PRKAR2B: variants seen among roughly 807,000 people sequenced by gnomAD.
The protein encoded by PRKAR2B is protein kinase cAMP-dependent type II regulatory subunit beta.
PRKAR2B carries 14 observed loss-of-function variants against 49.9 expected under a neutral mutation model. The observed-to-expected ratio is 0.28, with a 90% confidence interval of 0.19 to 0.44. The LOEUF (loss-of-function observed/expected upper bound fraction) is 0.44. Ranked by LOEUF, PRKAR2B falls within the 20% of genes least tolerant of loss-of-function variation. The probability of loss-of-function intolerance (pLI) is 1.00; values close to 1 mark genes in which losing one functional copy is unlikely to be tolerated. For synonymous variants in PRKAR2B, 196 were observed against 197.7 expected (o/e 0.99, Z 0.07); for missense variants, 393 against 537.9 (o/e 0.73, Z 2.67).
chr7:107,081,532 A>G (rs555170101), intron 2 of PRKAR2B, among the ~76,000 whole-genome samples: 1 of 151,846 alleles, frequency 6.6e-6, no homozygotes, highest in Non-Finnish European at 1.5e-5. Flanking sequence ...ATGTTTTCTG[A>G]TATTTTAAAA....
chr7:107,113,049 A>G (rs1471894045), intron 2 of PRKAR2B, among the ~76,000 whole-genome samples: 1 of 152,178 alleles, frequency 6.6e-6, no homozygotes, highest in Non-Finnish European at 1.5e-5. Flanking sequence ...ACTTGTTCTG[A>G]AAATATATTA....
At chr7:107,093,448 CT>C (rs982322722) in intron 2 of PRKAR2B, among the ~76,000 whole-genome samples, 13 of 151,348 alleles carry the variant, frequency 8.6e-5, no homozygotes, top group Non-Finnish European at 1.9e-4. Context: ...TTTTACTTGT[CT>C]TTTTCTAATG....
intron 4 of PRKAR2B, among the ~76,000 whole-genome samples, chr7:107,133,164 A>G (rs1795632218): frequency 6.6e-6 from 1 of 152,196 alleles, no homozygotes; most frequent in African/African-American, 2.4e-5. Context: ...TGCATATTAA[A>G]TATTTCCTAA....
Position 107,070,121 on chromosome 7 carries a change from A to G in PRKAR2B, c.308-160A>G, listed in dbSNP as rs1794233714. 2.0e-5 allele frequency: 10 copies of G among 501,352 alleles called. 1 individual carries two copies. In the South Asian group the frequency reaches 2.6e-4, roughly 13 times the overall value. The allele number at this position is 501,352 out of a possible 1,614,324, so 31.1% of individuals were successfully genotyped here. A position where few individuals can be genotyped will look rare whatever the true frequency, so the allele number is the denominator to read the frequency against. ...ATTTATATTTATTTGATTATTAATG[A>G]ATTTCAGCATTTAATTTTTGTATAT... is the stretch of plus-strand genomic sequence containing the variant. On this transcript the variant is annotated intron_variant, in intron 1 of 10. Coordinates refer to ENST00000265717, the MANE Select transcript of PRKAR2B (RefSeq NM_002736.3).
intron 2 of PRKAR2B, among the ~76,000 whole-genome samples, chr7:107,105,771 G>T (rs1326694302): frequency 6.6e-6 from 1 of 152,152 alleles, no homozygotes; most frequent in Non-Finnish European, 1.5e-5. Context: ...CTGGTTACAG[G>T]ACCAGCAAGT....
intron 2 of PRKAR2B, among the ~76,000 whole-genome samples, chr7:107,117,864 C>G (rs913573944): frequency 1.3e-5 from 2 of 152,154 alleles, no homozygotes; most frequent in African/African-American, 4.8e-5. Flanking sequence ...GCACATTACT[C>G]TATCTGCAAT....
intron 5 of PRKAR2B, among the ~76,000 whole-genome samples, chr7:107,142,977 G>C (rs1399661756): frequency 6.6e-6 from 1 of 152,126 alleles, no homozygotes; most frequent in Admixed American, 6.6e-5. Context: ...TGGTCGGGCT[G>C]GTCTCGAACT....
chr7:107,127,246 T>C (rs1181917747), intron 3 of PRKAR2B, among the ~76,000 whole-genome samples: 1 of 152,224 alleles, frequency 6.6e-6, no homozygotes, highest in East Asian at 1.9e-4. Context: ...GCCCATCAGC[T>C]CTTGTGGTCA....
At chr7:107,109,222 G>T (rs1478545804) in intron 2 of PRKAR2B, among the ~76,000 whole-genome samples, 1 of 151,982 alleles carries the variant, frequency 6.6e-6, no homozygotes, top group Non-Finnish European at 1.5e-5. Context: ...GCTGGTTTGG[G>T]CTGGTCTCTT....
At chr7:107,117,764 AGG>A (rs1341317079) in intron 2 of PRKAR2B, among the ~76,000 whole-genome samples, 1 of 152,174 alleles carries the variant, frequency 6.6e-6, no homozygotes, top group Non-Finnish European at 1.5e-5. Context: ...GAAAAGGTTG[AGG>A]GCCAAGTCCC....
intron 4 of PRKAR2B, among the ~76,000 whole-genome samples, chr7:107,135,314 A>G (rs1454716589): frequency 6.6e-6 from 1 of 152,192 alleles, no homozygotes; most frequent in South Asian, 2.1e-4. Context: ...ATTTTATGTT[A>G]TGTGAATTTC....
chr7:107,134,346 A>G (rs1439301766), intron 4 of PRKAR2B, among the ~76,000 whole-genome samples: 1 of 152,146 alleles, frequency 6.6e-6, no homozygotes, highest in Non-Finnish European at 1.5e-5. Context: ...TTCTTTTCAA[A>G]TTTAACAATA....
intron 3 of PRKAR2B, among the ~76,000 whole-genome samples, chr7:107,126,691 G>A (rs1014710176): frequency 6.6e-5 from 10 of 152,276 alleles, no homozygotes; most frequent in African/African-American, 2.4e-4. Flanking sequence ...TGTGAAGTGA[G>A]AAATGACTTT....
chr7:107,047,008 C>G (rs1793711646), intron 1 of PRKAR2B, among the ~76,000 whole-genome samples: 1 of 152,154 alleles, frequency 6.6e-6, no homozygotes, highest in South Asian at 2.1e-4. Flanking sequence ...CCGTTAACTT[C>G]TGAACAGCAG....
intron 2 of PRKAR2B, chr7:107,077,507 A>G (rs989311261): frequency 1.3e-5 from 2 of 152,200 alleles, no homozygotes; most frequent in Non-Finnish European, 2.9e-5. Context: ...GAGAGAGACT[A>G]TTCTAGGTAT....
intron 2 of PRKAR2B, among the ~76,000 whole-genome samples, chr7:107,083,617 G>A (rs1372005181): frequency 6.6e-6 from 1 of 151,842 alleles, no homozygotes; most frequent in Non-Finnish European, 1.5e-5. Flanking sequence ...TTTTCTTGTT[G>A]TTGTTGTTGT....
At chr7:107,047,952 A>T (rs1241857276) in intron 1 of PRKAR2B, among the ~76,000 whole-genome samples, 1 of 152,230 alleles carries the variant, frequency 6.6e-6, no homozygotes, top group South Asian at 2.1e-4. Context: ...TGATAATACT[A>T]TATTCTTCTT....
chr7:107,108,745 A>G (rs1476950877), intron 2 of PRKAR2B, among the ~76,000 whole-genome samples: 1 of 152,208 alleles, frequency 6.6e-6, no homozygotes, highest in Non-Finnish European at 1.5e-5. Context: ...CCATAGTGTT[A>G]TAGCTCCAGA....
intron 2 of PRKAR2B, among the ~76,000 whole-genome samples, chr7:107,102,008 G>A (rs1158286186): frequency 6.6e-6 from 1 of 151,470 alleles, no homozygotes; most frequent in Non-Finnish European, 1.5e-5. Context: ...AGGTGAGACA[G>A]GAGATCAACA....
Sources: allele counts gnomAD v4.1 joint callset (sites outside exome capture counted in the v4.1 genomes callset), GRCh38; gene constraint gnomAD v4.1.1; transcripts MANE v1.5; gene names NCBI Gene and HGNC (gene_info 2026-07-23, HGNC 2026-07-21).